IGSF11: variants seen among roughly 807,000 people sequenced by gnomAD.
The protein encoded by IGSF11 is immunoglobulin superfamily member 11.
In IGSF11, 22 loss-of-function variants were observed where a neutral mutation model predicts 41.0. That is an observed-to-expected ratio of 0.54 (90% confidence interval 0.38 to 0.77). The LOEUF is 0.77. IGSF11 is among the 30% of genes least tolerant of loss of function. The pLI is 0.00. For missense variants in IGSF11, 444 were observed against 530.8 expected (o/e 0.84, Z 1.61); for synonymous variants, 219 against 201.3 (o/e 1.09, Z -0.74).
At chr3:119,090,692 T>C (rs2076748814) in intron 1 of IGSF11, among the ~76,000 whole-genome samples, 1 of 152,154 alleles carries the variant, frequency 6.6e-6, no homozygotes, top group South Asian at 2.1e-4. Flanking sequence ...ATGCAGAAGA[T>C]TAAAGCTTGA....
At chr3:119,036,592 C>T (rs981103451), upstream of IGSF11, among the ~76,000 whole-genome samples, 2 of 152,088 alleles carry the variant, frequency 1.3e-5, no homozygotes, top group African/African-American at 2.4e-5. Context: ...ATAATCTGAG[C>T]TTAAAGCTCT....
At chr3:119,049,477 C>T (rs1270340279) in intron 1 of IGSF11, among the ~76,000 whole-genome samples, 13 of 152,210 alleles carry the variant, frequency 8.5e-5, no homozygotes, top group Middle Eastern at 3.4e-3. Context: ...AACTACAAAC[C>T]GCTGTTCAAG....
intron 1 of IGSF11, among the ~76,000 whole-genome samples, chr3:119,111,213 C>G (rs2107519410): frequency 6.6e-6 from 1 of 152,334 alleles, no homozygotes; most frequent in South Asian, 2.1e-4. Flanking sequence ...TTCTCCCCAT[C>G]ACTTTCAGGT....
intron 1 of IGSF11, among the ~76,000 whole-genome samples, chr3:118,957,313 C>T (rs1308461357): frequency 1.3e-5 from 2 of 152,088 alleles, no homozygotes; most frequent in African/African-American, 4.8e-5. Context: ...CTAGAAAGAC[C>T]CCACAGACAC....
At chr3:119,102,905 G>A (rs908551351) in intron 1 of IGSF11, among the ~76,000 whole-genome samples, 2 of 151,758 alleles carry the variant, frequency 1.3e-5, no homozygotes. Flanking sequence ...TCTCTGAGCC[G>A]TTGGAGTTCT....
At chr3:118,924,893 G>A (rs1453099123) in intron 4 of IGSF11, among the ~76,000 whole-genome samples, 1 of 152,040 alleles carries the variant, frequency 6.6e-6, no homozygotes, top group Admixed American at 6.6e-5. Context: ...CAGAAACAGT[G>A]GAAAATCTAA....
intron 2 of IGSF11, among the ~76,000 whole-genome samples, chr3:118,929,256 T>G (rs1206247328): frequency 6.6e-6 from 1 of 152,226 alleles, no homozygotes; most frequent in Non-Finnish European, 1.5e-5. Flanking sequence ...GGGACTCAGT[T>G]CTATTCAAGC....
intron 1 of IGSF11, among the ~76,000 whole-genome samples, chr3:119,023,444 AT>A (rs2107717600): frequency 6.6e-6 from 1 of 152,296 alleles, no homozygotes; most frequent in African/African-American, 2.4e-5. Context: ...TGCTGCTACA[AT>A]TGACATAGTT....
chr3:119,016,489 T>C (rs1424904786), intron 1 of IGSF11, among the ~76,000 whole-genome samples: 1 of 152,152 alleles, frequency 6.6e-6, no homozygotes, highest in South Asian at 2.1e-4. Flanking sequence ...ATTGTAAATA[T>C]AGGATTATTG....
chr3:119,129,132 G>C (rs1382819683), intron 1 of IGSF11, among the ~76,000 whole-genome samples: 1 of 152,060 alleles, frequency 6.6e-6, no homozygotes, highest in Non-Finnish European at 1.5e-5. Flanking sequence ...GACACAGAGA[G>C]GGGAACAACA....
chr3:118,954,609 T>G (rs535774737), intron 1 of IGSF11, among the ~76,000 whole-genome samples: 4 of 152,138 alleles, frequency 2.6e-5, no homozygotes, highest in Non-Finnish European at 5.9e-5. Flanking sequence ...TCAGTGGACT[T>G]TGCCCTGATC....
intron 4 of IGSF11, among the ~76,000 whole-genome samples, chr3:118,914,358 C>T (rs1372745064): frequency 6.6e-6 from 1 of 151,826 alleles, no homozygotes; most frequent in Non-Finnish European, 1.5e-5. Flanking sequence ...GTTCATCTCA[C>T]TAGGGAGTGC....
chr3:119,062,906 C>T (rs1045773515), intron 1 of IGSF11, among the ~76,000 whole-genome samples: 3 of 152,098 alleles, frequency 2.0e-5, no homozygotes, highest in Admixed American at 1.3e-4. Flanking sequence ...CCACCACATC[C>T]TCCACTTTAG....
At chr3:119,047,549 G>C (rs1200011100) in intron 1 of IGSF11, among the ~76,000 whole-genome samples, 1 of 152,118 alleles carries the variant, frequency 6.6e-6, no homozygotes, top group East Asian at 1.9e-4. Flanking sequence ...TTAATAATGG[G>C]AGAATTTAAC....
At chr3:118,978,811 T>C (rs1251224702) in intron 1 of IGSF11, among the ~76,000 whole-genome samples, 2 of 152,086 alleles carry the variant, frequency 1.3e-5, no homozygotes, top group Non-Finnish European at 2.9e-5. Flanking sequence ...AATCACAAAA[T>C]TGGAAGAAGC....
intron 1 of IGSF11, among the ~76,000 whole-genome samples, chr3:118,993,026 G>A (rs148822611): frequency 1.1e-3 from 169 of 152,264 alleles, no homozygotes; most frequent in African/African-American, 4.0e-3. Context: ...AAGAGTTCAA[G>A]ACCAGCCTAG....
chr3:119,018,737 A>G (rs1176994653), intron 1 of IGSF11, among the ~76,000 whole-genome samples: 1 of 152,258 alleles, frequency 6.6e-6, no homozygotes, highest in Non-Finnish European at 1.5e-5. Flanking sequence ...TGGTTACCCA[A>G]TAATGACAGC....
intron 1 of IGSF11, among the ~76,000 whole-genome samples, chr3:119,051,543 C>T (rs1055232020): frequency 6.6e-6 from 1 of 152,102 alleles, no homozygotes; most frequent in Non-Finnish European, 1.5e-5. Flanking sequence ...GACTTCAATA[C>T]TCGACTAACA....
chr3:119,046,171 A>T (rs1211844517), intron 1 of IGSF11, among the ~76,000 whole-genome samples: 1 of 150,858 alleles, frequency 6.6e-6, no homozygotes, highest in South Asian at 2.1e-4. Context: ...TGAGAGAAGA[A>T]GGCTTCAGAC....
Sources: gnomAD v4.1 joint callset for allele counts (sites outside exome capture counted in the v4.1 genomes callset) on GRCh38, gnomAD v4.1.1 for gene constraint, MANE v1.5 for transcripts, NCBI Gene and HGNC (gene_info 2026-07-23, HGNC 2026-07-21) for gene names.